Variants in LYST observed in about 807,000 individuals in gnomAD.
LYST encodes the protein lysosomal trafficking regulator, also known as lysosomal-trafficking regulator.
LYST carries 192 observed loss-of-function variants against 413.6 expected under a neutral mutation model. That is an observed-to-expected ratio of 0.46 (90% CI 0.41 to 0.52). The LOEUF (loss-of-function observed/expected upper bound fraction) is 0.52, where lower values mean the gene tolerates loss of function less well. LYST is among the 20% of genes least tolerant of loss of function. The probability of loss-of-function intolerance (pLI) is 0.00; values close to 1 mark genes in which losing one functional copy is unlikely to be tolerated. For missense variants in LYST, 3,815 were observed against 4,499.9 expected (o/e 0.85, Z 4.35); for synonymous variants, 1,525 against 1,567.3 (o/e 0.97, Z 0.64).
chr1:235,712,917 A>G, intron 42 of LYST: 1 of 985,316 alleles, frequency 1.0e-6, no homozygotes, highest in African/African-American at 1.7e-5. Flanking sequence ...TAGAATATTA[A>G]ATGATATCCA....
At chr1:235,683,751 A>G (rs544119889) in intron 48 of LYST, among the ~76,000 whole-genome samples, 1 of 152,356 alleles carries the variant, frequency 6.6e-6, no homozygotes, top group Non-Finnish European at 1.5e-5. Flanking sequence ...AAAACCATGC[A>G]TTCAGTGGGT....
Position 235,853,607 on chromosome 1 carries a change from G to A in LYST, c.-98+13236C>T, listed in dbSNP as rs117277203. On this transcript the variant is annotated intron_variant, in intron 1 of 52. Coordinates refer to ENST00000389793, the MANE Select transcript of LYST (RefSeq NM_000081.4). ...ATATTATTTTTTCATATTTCAGGGT[G>A]TCAATAAACAACATTGCCTATTTCG... Among the ~76,000 whole-genome samples, 606 of 152,166 alleles carry A rather than the reference G, an allele frequency of 4.0e-3. 6 individuals carry two copies. The highest frequency in any genetic ancestry group is 0.033 in the East Asian group (173 of 5,174).
At chr1:235,737,705 C>T (rs1346963072) in intron 31 of LYST, 1 of 163,008 alleles carries the variant, frequency 6.1e-6, no homozygotes, top group Non-Finnish European at 1.3e-5. Flanking sequence ...ATAATGACTG[C>T]AATAGACTAA....
At chr1:235,805,586 CAT>C (rs1239600323) in intron 6 of LYST, among the ~76,000 whole-genome samples, 155 bp downstream of exon 6, 2 of 147,890 alleles carry the variant, frequency 1.4e-5, no homozygotes, top group Non-Finnish European at 3.0e-5. Context: ...AATATATACA[CAT>C]ATATAAAAGT....
rs769317170 is a variant in LYST at position 235,791,944 on chromosome 1, C to T, written c.4298G>A (p.Arg1433Gln). ...MGLLRRARVSRSKKEADRESF... is the reference protein window; with the variant it reads ...MGLLRRARVSQSKKEADRESF... ...CTCTCTATCAGCCTCTTTCTTGCTC[C>T]GTGAAACTCGTGCTCTTCTCAATAA... The change falls in exon 12 of 53, where the codon CGG (arginine) becomes CAG (glutamine). Residue 1433 changes from arginine to glutamine, a missense_variant. By Grantham distance (43) the Arg-to-Gln change is conservative (BLOSUM62 1). Around this residue, in one of 4 missense-constraint regions of LYST, gnomAD observed 1,648 missense variants for 1,810.3 expected, o/e 0.91. Transcript: ENST00000389793. 5 of 1,614,092 alleles carry T rather than the reference C, an allele frequency of 3.1e-6. No homozygotes were observed. The highest frequency in any genetic ancestry group is 3.4e-6 in the Non-Finnish European group (4 of 1,180,004).
chr1:235,802,292 A>T (rs1362743015), intron 8 of LYST, among the ~76,000 whole-genome samples: 1 of 151,676 alleles, frequency 6.6e-6, no homozygotes, highest in South Asian at 2.1e-4. Flanking sequence ...TCTTGGCTCT[A>T]ATCAACCCAT....
At chr1:235,786,350 T>C (rs1670410587) in intron 14 of LYST, among the ~76,000 whole-genome samples, 1 of 152,148 alleles carries the variant, frequency 6.6e-6, no homozygotes, top group Non-Finnish European at 1.5e-5. Flanking sequence ...CACAATGAGA[T>C]ACCATCTCAC....
chr1:235,844,668 G>C (rs1267859130), intron 1 of LYST, among the ~76,000 whole-genome samples: 1 of 149,718 alleles, frequency 6.7e-6, no homozygotes, highest in Non-Finnish European at 1.5e-5. Context: ...CATACACCTG[G>C]AAACAAGATT....
intron 18 of LYST, 47 bp downstream of exon 18, chr1:235,774,866 G>GT (rs1669069022): frequency 8.2e-7 from 1 of 1,223,634 alleles, no homozygotes; most frequent in Non-Finnish European, 1.2e-6. Flanking sequence ...GACGAGATGA[G>GT]TATCACTGCA....
chr1:235,747,130 C>T lies in LYST; in HGVS notation c.7781-603G>A, dbSNP rs1277317647. 6 of 321,006 alleles carry T rather than the reference C, an allele frequency of 1.9e-5. No homozygotes were observed. In the East Asian group the frequency reaches 5.0e-4, roughly 27 times the overall value. The allele number at this position is 321,006 out of a possible 1,614,324, so 19.9% of individuals were successfully genotyped here. On this transcript the variant is annotated intron_variant, in intron 28 of 52. Transcript: ENST00000389793. ...ATTTCCTGAGAAAGGTTTCCTCAGACTGAACAGAGAGGAGTGGCATTCCTG... is the reference window on the plus strand; with the variant it reads ...ATTTCCTGAGAAAGGTTTCCTCAGATTGAACAGAGAGGAGTGGCATTCCTG...
intron 8 of LYST, 49 bp downstream of exon 8, chr1:235,802,859 A>C: frequency 6.3e-7 from 1 of 1,581,452 alleles, no homozygotes; most frequent in Non-Finnish European, 8.7e-7. Flanking sequence ...TTTGCTATTT[A>C]ATGATCTGGC....
At chr1:235,781,599 T>C (rs1424052379) in intron 15 of LYST, among the ~76,000 whole-genome samples, 3 of 152,230 alleles carry the variant, frequency 2.0e-5, no homozygotes, top group Admixed American at 1.3e-4. Flanking sequence ...GATGCTACAT[T>C]ATCCAGTATA....
Position 235,701,909 on chromosome 1 carries a change from T to C in LYST, c.10374+838A>G, listed in dbSNP as rs145533752. Among the ~76,000 whole-genome samples, 982 of 152,320 alleles carry C rather than the reference T, an allele frequency of 6.4e-3. 11 individuals are homozygous for C. Among genetic ancestry groups the C allele is most frequent in the African/African-American group, 0.022 (912 of 41,548 alleles). On this transcript the variant is annotated intron_variant, in intron 45 of 52. Transcript: ENST00000389793. The stretch of plus-strand genomic sequence containing the variant: ...ATGAGCGCAAATAATTTATATCCAG[T>C]GTTCTGTCTTACATAAAGTAATATT...
intron 3 of LYST, among the ~76,000 whole-genome samples, chr1:235,821,719 C>T (rs754084620): frequency 6.6e-6 from 1 of 152,176 alleles, no homozygotes; most frequent in Non-Finnish European, 1.5e-5. Context: ...TGTTTAACAA[C>T]CCTTTAAAAA....
At chr1:235,807,112 C>CA (rs1381113468) in intron 5 of LYST, among the ~76,000 whole-genome samples, 1 of 152,172 alleles carries the variant, frequency 6.6e-6, no homozygotes, top group Non-Finnish European at 1.5e-5. Context: ...CCACAGCCAC[C>CA]ACCACACCTG....
chr1:235,852,413 C>T (rs1414659188), intron 1 of LYST, among the ~76,000 whole-genome samples: 4 of 152,156 alleles, frequency 2.6e-5, no homozygotes, highest in African/African-American at 9.7e-5. Context: ...TAGGATAGTA[C>T]CACGTAAGGC....
intron 1 of LYST, chr1:235,839,366 G>C (rs562271711): frequency 6.7e-6 from 1 of 149,908 alleles, no homozygotes; most frequent in Non-Finnish European, 1.5e-5. Context: ...AAGTTGGCCA[G>C]GCTGATCTCA....
At chr1:235,868,897 G>A (rs1007081286), upstream of LYST, among the ~76,000 whole-genome samples, 1 of 151,922 alleles carries the variant, frequency 6.6e-6, no homozygotes, top group Non-Finnish European at 1.5e-5. Flanking sequence ...GTTTCATCAT[G>A]TTGGTCAGGC....
chr1:235,771,611 A>G (rs1158237040), intron 19 of LYST, among the ~76,000 whole-genome samples: 1 of 151,124 alleles, frequency 6.6e-6, no homozygotes, highest in African/African-American at 2.4e-5. Context: ...TTTTTTTTAG[A>G]TCTGAAAGTA....
Sources: gnomAD v4.1 joint callset for allele counts (sites outside exome capture counted in the v4.1 genomes callset) on GRCh38, gnomAD v4.1.1 for gene constraint, gnomAD v4.1.1 regional missense constraint, MANE v1.5 for transcripts, NCBI Gene and HGNC (gene_info 2026-07-23, HGNC 2026-07-21) for gene names.